The following PXYLP1 variants were observed in gnomAD, a reference collection of about 807,000 sequenced individuals.
PXYLP1 encodes the protein acid phosphatase-like 2.
PXYLP1 carries 17 observed loss-of-function variants against 37.9 expected under a neutral mutation model. That is an observed-to-expected ratio of 0.45 (90% confidence interval 0.31 to 0.67). The LOEUF (loss-of-function observed/expected upper bound fraction) is 0.67, where lower values mean the gene tolerates loss of function less well. Ranked by LOEUF, PXYLP1 falls within the 30% of genes least tolerant of loss-of-function variation. The pLI is 0.07. For synonymous variants in PXYLP1, 221 were observed against 232.2 expected, an observed-to-expected ratio of 0.95 and a Z score of 0.44; for missense variants, 511 against 612.0, an observed-to-expected ratio of 0.84 and a Z score of 1.74.
chr3:141,278,424 G>GC lies in PXYLP1; in HGVS notation c.167dup (p.Val57CysfsTer7). On this transcript the variant is annotated frameshift_variant, in exon 3 of 6. Coordinates refer to ENST00000286353, the MANE Select transcript of PXYLP1 (RefSeq NM_001037172.3). LOFTEE classifies it high-confidence loss of function. ...GAATCATGCCCGACCCTGTGACGGA[G>GC]CCCCCTGTGACAGACCCCGTTTATG... 6.2e-7 allele frequency: 1 copy of GC among 1,614,190 alleles called. No homozygotes were observed. The highest frequency in any genetic ancestry group is 8.5e-7 in the Non-Finnish European group (1 of 1,180,022).
In PXYLP1 at chr3:141,278,339, C is replaced by T; in HGVS notation, c.80-3C>T. 1 of 1,614,176 alleles carries T rather than the reference C, an allele frequency of 6.2e-7. No individual in the cohort carries two copies. The highest frequency in any genetic ancestry group is 8.5e-7 in the Non-Finnish European group (1 of 1,179,992). On this transcript the variant is annotated splice_polypyrimidine_tract_variant and splice_region_variant and intron_variant, in intron 2 of 5. Transcript: ENST00000286353. ...CGTCACAACCTGCCTTACTTCGTTT[C>T]AGTCCACCTGATCCCGGTGTCGACT...
At chr3:141,285,151 T>C (rs1159469254) in intron 4 of PXYLP1, among the ~76,000 whole-genome samples, 1 of 140,948 alleles carries the variant, frequency 7.1e-6, no homozygotes, top group African/African-American at 2.7e-5. Flanking sequence ...TTTCTTTTTT[T>C]TTTTTTTTTT....
intron 5 of PXYLP1, among the ~76,000 whole-genome samples, chr3:141,291,421 TAA>T (rs1161927916): frequency 6.6e-6 from 1 of 152,224 alleles, no homozygotes; most frequent in African/African-American, 2.4e-5. Context: ...AAGTAAACTT[TAA>T]ATTCTTGCTT....
At chr3:141,288,853 G>A (rs1024033638) in intron 5 of PXYLP1, among the ~76,000 whole-genome samples, 10 of 152,170 alleles carry the variant, frequency 6.6e-5, no homozygotes, top group African/African-American at 2.4e-4. Context: ...CCATGATCAT[G>A]CCACTGCACT....
chr3:141,262,696 A>G (rs1941422187), intron 2 of PXYLP1: 9 of 1,534,828 alleles, frequency 5.9e-6, no homozygotes, highest in Non-Finnish European at 7.9e-6. Flanking sequence ...ATATTAAGAT[A>G]TGGACGTTCT....
intron 1 of PXYLP1, among the ~76,000 whole-genome samples, chr3:141,257,539 T>A (rs1027701226): frequency 1.3e-5 from 2 of 152,168 alleles, no homozygotes; most frequent in African/African-American, 4.8e-5. Context: ...AAACTGAGAC[T>A]TATAGCAAGT....
At chr3:141,242,188 AC>A in intron 1 of PXYLP1, among the ~76,000 whole-genome samples, 1 of 151,796 alleles carries the variant, frequency 6.6e-6, no homozygotes, top group Non-Finnish European at 1.5e-5. Flanking sequence ...CTTGTTACTC[AC>A]CCCCGCCCCA....
chr3:141,263,456 T>C (rs1477759412), intron 2 of PXYLP1, among the ~76,000 whole-genome samples: 1 of 152,252 alleles, frequency 6.6e-6, no homozygotes, highest in African/African-American at 2.4e-5. Flanking sequence ...AGGCAAGGCA[T>C]AGATATTTTT....
chr3:141,291,940 G>T (rs1195530561), intron 5 of PXYLP1, among the ~76,000 whole-genome samples: 1 of 152,210 alleles, frequency 6.6e-6, no homozygotes, highest in Non-Finnish European at 1.5e-5. Flanking sequence ...TCCCCTGGCT[G>T]GGTGACTTCG....
intron 4 of PXYLP1, among the ~76,000 whole-genome samples, chr3:141,286,443 T>A (rs1317379029): frequency 6.6e-6 from 1 of 152,176 alleles, no homozygotes; most frequent in African/African-American, 2.4e-5. Context: ...AAAGGGGGAT[T>A]TTTCAGAGGT....
Position 141,292,886 on chromosome 3 carries a change from A to T in PXYLP1, c.1124A>T (p.Tyr375Phe). 1.2e-6 allele frequency: 2 copies of T among 1,613,680 alleles called. No homozygotes were observed. The highest frequency in any genetic ancestry group is 1.7e-6 in the Non-Finnish European group (2 of 1,179,908). The change falls in exon 6 of 6, where the codon TAC becomes TTC. Residue 375 changes from tyrosine (Y) to phenylalanine (F), a missense_variant. Transcript: ENST00000286353. This position sits in a 1 kb window ranked among gnomAD's most constrained non-coding sequence, Gnocchi z 4.3. ...EGRKEELFALYSAHDVTLSPV... is the reference protein window; with the variant it reads ...EGRKEELFALFSAHDVTLSPV... Reference sequence around the variant, plus strand: ...AGGAAAGAAGAGCTCTTTGCCCTCTACTCTGCTCATGATGTCACTCTGTCA... The same window carrying T: ...AGGAAAGAAGAGCTCTTTGCCCTCTTCTCTGCTCATGATGTCACTCTGTCA...
At chr3:141,236,434 C>T (rs1940659014) in intron 1 of PXYLP1, 1 of 152,180 alleles carries the variant, frequency 6.6e-6, no homozygotes. Context: ...CCCTTTCCTC[C>T]TCCACTTCTG....
At chr3:141,257,983 A>T (rs1313885792) in intron 1 of PXYLP1, among the ~76,000 whole-genome samples, 6 of 152,026 alleles carry the variant, frequency 3.9e-5, no homozygotes, top group Non-Finnish European at 8.8e-5. Flanking sequence ...CATAGGAAAC[A>T]TACTTAGCTG....
chr3:141,258,519 G>A (rs1286568625), intron 1 of PXYLP1: 2 of 152,884 alleles, frequency 1.3e-5, no homozygotes, highest in African/African-American at 4.8e-5. Context: ...CATTCAAGAA[G>A]CATATTCAAG....
At chr3:141,248,480 AATATGTGTGCGTGTGTGTAT>A (rs1941018374) in intron 1 of PXYLP1, among the ~76,000 whole-genome samples, 1 of 145,206 alleles carries the variant, frequency 6.9e-6, no homozygotes, top group Non-Finnish European at 1.5e-5. Context: ...GCAAAGGAGC[AATATGTGTGCGTGTGTGTAT>A]ATATATATAT....
At chr3:141,262,519 C>T (rs946184451) in intron 2 of PXYLP1, 10 of 814,238 alleles carry the variant, frequency 1.2e-5, no homozygotes, top group Non-Finnish European at 1.6e-5. Context: ...CTGGTTTCCA[C>T]GTCACTGAAT....
At chr3:141,258,044 T>A (rs1941304361) in intron 1 of PXYLP1, among the ~76,000 whole-genome samples, 1 of 151,590 alleles carries the variant, frequency 6.6e-6, no homozygotes, top group South Asian at 2.1e-4. Flanking sequence ...CTTAAGAGCA[T>A]GGAAGCAGGA....
At chr3:141,281,417 C>T (rs1479180971) in intron 4 of PXYLP1, among the ~76,000 whole-genome samples, 1 of 152,170 alleles carries the variant, frequency 6.6e-6, no homozygotes, top group Non-Finnish European at 1.5e-5. Flanking sequence ...AGAAGAAAGG[C>T]CGCTTGTTGG....
At position 141,278,400 on chromosome 3, in the gene PXYLP1, A is replaced by T. The variant is rs749293979; in HGVS notation, c.138A>T (p.Arg46Ser). ...GAATGAGTAGCAAGAGTCGAAAGAG[A>T]ATCATGCCCGACCCTGTGACGGAGC... is the stretch of plus-strand genomic sequence containing the variant. ...KNGMSSKSRK[R>S]IMPDPVTEPP... Residue 46 changes from arginine to serine, a missense_variant, in exon 3 of 6, where the codon AGA becomes AGT. By Grantham distance (110) the Arg-to-Ser change is moderately radical (BLOSUM62 -1). Coordinates refer to ENST00000286353, the MANE Select transcript of PXYLP1 (RefSeq NM_001037172.3). 3 of 1,614,148 alleles carry T rather than the reference A, an allele frequency of 1.9e-6. No homozygotes were observed. The highest frequency in any genetic ancestry group is 2.5e-6 in the Non-Finnish European group (3 of 1,180,022).
Sources: gnomAD v4.1 joint callset for allele counts (sites outside exome capture counted in the v4.1 genomes callset) on GRCh38, gnomAD v4.1.1 for gene constraint, Gnocchi (gnomAD v3.1) non-coding constraint, MANE v1.5 for transcripts, NCBI Gene and HGNC (gene_info 2026-07-23, HGNC 2026-07-21) for gene names.